The following COL12A1 variants were observed in gnomAD, a reference collection of about 807,000 sequenced individuals.
The protein encoded by COL12A1 is collagen alpha-1(XII) chain.
A neutral mutation model predicts 349.7 loss-of-function variants in COL12A1; 114 were observed. The ratio of observed to expected loss-of-function variants is 0.33; its 90% CI spans 0.28 to 0.38. COL12A1 has a LOEUF of 0.38. COL12A1 is among the 10% of genes least tolerant of loss of function. COL12A1 has a pLI of 1.00. For synonymous variants in COL12A1, 1,369 were observed against 1,329.0 expected (o/e 1.03, Z -0.66); for missense variants, 3,284 against 3,756.9 (o/e 0.87, Z 3.29).
At chr6:75,095,290 C>CT in intron 59 of COL12A1, 111 bp from the exon 60 acceptor site, 2 of 790,202 alleles carry the variant, frequency 2.5e-6, no homozygotes, top group Non-Finnish European at 4.0e-6. Flanking sequence ...CTCATAATTA[C>CT]ACATTCAGGA....
In COL12A1 at chr6:75,095,101, C is replaced by T. The variant is rs1274498192; in HGVS notation, c.8649+7G>A. The T allele has an allele frequency of 3.1e-6, 5 of 1,613,332 alleles. No homozygotes were observed. The highest frequency in any genetic ancestry group is 4.2e-6 in the Non-Finnish European group (5 of 1,179,644). On this transcript the variant is annotated splice_region_variant and intron_variant, in intron 60 of 65. Coordinates refer to ENST00000322507, the MANE Select transcript of COL12A1 (RefSeq NM_004370.6). ...ACTGTCAGTAGACATGCAAGCTGTC[C>T]GCTTACTGGTCTGCCATGATCTCCA... is the stretch of plus-strand genomic sequence containing the variant.
chr6:75,154,068 G>A (rs1767628630), intron 17 of COL12A1, among the ~76,000 whole-genome samples: 1 of 151,306 alleles, frequency 6.6e-6, no homozygotes, highest in African/African-American at 2.4e-5. Context: ...TAAATTTAAT[G>A]CACAATTTTA....
At chr6:75,181,233 CA>C in intron 10 of COL12A1, 22 bp from the exon 11 acceptor site, 1 of 1,361,608 alleles carries the variant, frequency 7.3e-7, no homozygotes, top group Non-Finnish European at 1.0e-6. Flanking sequence ...AAAAAAAAGA[CA>C]GTTAAAAATG....
intron 17 of COL12A1, 129 bp from the exon 18 acceptor site, chr6:75,152,611 T>C (rs1562235144): frequency 5.0e-6 from 5 of 991,608 alleles, no homozygotes; most frequent in South Asian, 3.0e-5. Flanking sequence ...AGCTCAGTGA[T>C]GTGGAGTATA....
intron 1 of COL12A1, among the ~76,000 whole-genome samples, chr6:75,203,366 T>C (rs554186559): frequency 1.3e-5 from 2 of 152,230 alleles, no homozygotes; most frequent in African/African-American, 4.8e-5. Context: ...TACAGAAATA[T>C]GTAAGGCCCA....
chr6:75,174,416 C>T (rs1311627073), intron 13 of COL12A1, among the ~76,000 whole-genome samples: 4 of 152,036 alleles, frequency 2.6e-5, no homozygotes, highest in African/African-American at 4.8e-5. Context: ...ATTAGCCAGG[C>T]GTGGTGGCGG....
intron 1 of COL12A1, among the ~76,000 whole-genome samples, chr6:75,203,312 T>TTC (rs1417615259): frequency 9.9e-5 from 15 of 152,252 alleles, no homozygotes; most frequent in Admixed American, 6.5e-5. Flanking sequence ...CTTCATTTTG[T>TTC]TCTGCTTTCA....
chr6:75,137,396 G>C (rs763770333), intron 31 of COL12A1, 41 bp downstream of exon 31: 40 of 1,514,984 alleles, frequency 2.6e-5, no homozygotes, highest in Middle Eastern at 1.7e-4. Flanking sequence ...GAAGAGAAAT[G>C]GTAGAATTAA....
chr6:75,129,547 G>C lies in COL12A1; in HGVS notation c.6210+544C>G, dbSNP rs1766197805. On this transcript the variant is annotated intron_variant, in intron 37 of 65. Transcript: ENST00000322507. Reference sequence around the variant, plus strand: ...AGGAAGCTACCAGAAACTTGAATCTGGTTCTGGAAAGACAAACTATGACAC... The same window carrying C: ...AGGAAGCTACCAGAAACTTGAATCTCGTTCTGGAAAGACAAACTATGACAC... 2.6e-5 allele frequency among the ~76,000 whole-genome samples: 4 copies of C among 152,210 alleles called. No individual in the cohort carries two copies. The South Asian group carries it at 6.2e-4, about 24-fold the overall frequency.
At chr6:75,165,950 A>G (rs562576094) in intron 13 of COL12A1, among the ~76,000 whole-genome samples, 171 bp from the exon 14 acceptor site, 1 of 152,280 alleles carries the variant, frequency 6.6e-6, no homozygotes, top group South Asian at 2.1e-4. Flanking sequence ...TGTGGAATAG[A>G]TAGATGCAAT....
intron 23 of COL12A1, 92 bp from the exon 24 acceptor site, chr6:75,146,336 T>A (rs1199968441): frequency 7.7e-7 from 1 of 1,295,510 alleles, no homozygotes; most frequent in Non-Finnish European, 1.0e-6. Context: ...GATATTTGTA[T>A]ATACTAGACA....
At position 75,183,918 on chromosome 6, in the gene COL12A1, C is replaced by T. The variant is rs1769468887; in HGVS notation, c.1224G>A (p.Lys408=). 1 of 1,614,138 alleles carries T rather than the reference C, an allele frequency of 6.2e-7. No homozygotes were observed. The highest frequency in any genetic ancestry group is 1.1e-5 in the South Asian group (1 of 91,084). Reference sequence around the variant, plus strand: ...AAATGGGTTCACTGGATGTCATTCCCTTCATGGCGGAAACACTGATCTGGT... The same window carrying T: ...AAATGGGTTCACTGGATGTCATTCCTTTCATGGCGGAAACACTGATCTGGT... ...TEYQISVSAM[K]GMTSSEPISI... Residue 408 remains lysine, a synonymous_variant, in exon 9 of 66, where the codon AAG becomes AAA. Coordinates refer to ENST00000322507, the MANE Select transcript of COL12A1 (RefSeq NM_004370.6).
chr6:75,109,131 A>G lies in COL12A1; in HGVS notation c.7987T>C (p.Tyr2663His). Residue 2663 changes from tyrosine (Y) to histidine (H), a missense_variant, in exon 52 of 66, where the codon TAC (tyrosine) becomes CAC (histidine). Around this residue, in one of 2 missense-constraint regions of COL12A1, gnomAD observed 683 missense variants for 932.1 expected, o/e 0.73. Transcript: ENST00000322507. ...IVVTSKSVKI[Y>H]IDCYEIIEKD... is the part of the protein sequence containing the mutation. ...TCTATAATTTCATAGCAGTCAATGTAAATCTTAACACTTTTTGAGGTCACT... is the reference window on the plus strand; with the variant it reads ...TCTATAATTTCATAGCAGTCAATGTGAATCTTAACACTTTTTGAGGTCACT... 1 of 1,603,218 alleles carries G rather than the reference A, an allele frequency of 6.2e-7. No individual in the cohort carries two copies. Among genetic ancestry groups the G allele is most frequent in the Non-Finnish European group, 8.5e-7 (1 of 1,171,504 alleles).
Position 75,175,327 on chromosome 6 carries a change from C to T in COL12A1, c.2438-17G>A. On this transcript the variant is annotated splice_polypyrimidine_tract_variant and intron_variant, in intron 12 of 65. Transcript: ENST00000322507. ...TCCCTCTAACTTCATTAAAAAATGACAACATCATCAAAACCCATTATTTAA... is the reference window on the plus strand; with the variant it reads ...TCCCTCTAACTTCATTAAAAAATGATAACATCATCAAAACCCATTATTTAA... 6.2e-7 allele frequency: 1 copy of T among 1,603,550 alleles called. No individual in the cohort carries two copies. Among genetic ancestry groups the T allele is most frequent in the Non-Finnish European group, 8.5e-7 (1 of 1,175,640 alleles).
At chr6:75,198,845 T>G (rs1770371647) in intron 2 of COL12A1, among the ~76,000 whole-genome samples, 1 of 152,286 alleles carries the variant, frequency 6.6e-6, no homozygotes, top group East Asian at 1.9e-4. Flanking sequence ...GATGAACTAC[T>G]AAGATCTTTA....
chr6:75,186,732 G>T (rs1205419271), intron 8 of COL12A1, among the ~76,000 whole-genome samples: 1 of 152,106 alleles, frequency 6.6e-6, no homozygotes, highest in Admixed American at 6.6e-5. Context: ...CCCTATCAAT[G>T]ATAGACTGGA....
Position 75,117,564 on chromosome 6 carries a change from T to C in COL12A1, c.7355-18A>G. 3 of 1,605,480 alleles carry C rather than the reference T, an allele frequency of 1.9e-6. No individual in the cohort carries two copies. Among genetic ancestry groups the C allele is most frequent in the East Asian group, 4.5e-5 (2 of 44,646 alleles). The stretch of plus-strand genomic sequence containing the variant: ...ACTGAACCCTGCAAAGTAGCATTTA[T>C]AGAATGAATCACGTATCTCTTTTTC... On this transcript the variant is annotated intron_variant, in intron 46 of 65. Coordinates refer to ENST00000322507, the MANE Select transcript of COL12A1 (RefSeq NM_004370.6).
chr6:75,154,936 C>G (rs185463292), intron 16 of COL12A1, among the ~76,000 whole-genome samples: 1 of 152,240 alleles, frequency 6.6e-6, no homozygotes, highest in African/African-American at 2.4e-5. Flanking sequence ...TAAGACAATG[C>G]CTAACACAAT....
intron 2 of COL12A1, among the ~76,000 whole-genome samples, chr6:75,195,478 T>C (rs548810790): frequency 6.6e-6 from 1 of 152,300 alleles, no homozygotes; most frequent in African/African-American, 2.4e-5. Flanking sequence ...TAATTATTCA[T>C]TGTTATTTGA....
Sources: allele counts gnomAD v4.1 joint callset (sites outside exome capture counted in the v4.1 genomes callset), GRCh38; gene constraint gnomAD v4.1.1; regional missense constraint gnomAD v4.1.1; transcripts MANE v1.5; gene names NCBI Gene and HGNC (gene_info 2026-07-23, HGNC 2026-07-21).